The following ITGA8 variants were observed in gnomAD, a reference collection of about 807,000 sequenced individuals.
The protein encoded by ITGA8 is integrin alpha-8.
ITGA8 carries 91 observed loss-of-function variants against 142.3 expected under a neutral mutation model. That is an observed-to-expected ratio of 0.64 (90% CI 0.54 to 0.76). The LOEUF (loss-of-function observed/expected upper bound fraction) is 0.76, where lower values mean the gene tolerates loss of function less well. Among genes scored for constraint, ITGA8 ranks in the 30% least tolerant of loss-of-function variants. The probability of loss-of-function intolerance (pLI) is 0.00; values close to 1 mark genes in which losing one functional copy is unlikely to be tolerated. For synonymous variants in ITGA8, 505 were observed against 485.2 expected, an observed-to-expected ratio of 1.04 and a Z score of -0.54; for missense variants, 1,406 against 1,327.7, an observed-to-expected ratio of 1.06 and a Z score of -0.92.
intron 26 of ITGA8, 33 bp downstream of exon 26, chr10:15,558,041 T>C (rs1264003760): frequency 1.2e-6 from 2 of 1,612,182 alleles, no homozygotes; most frequent in Non-Finnish European, 1.7e-6. Flanking sequence ...GCCACTCATT[T>C]CCCTCAGTTC....
Position 15,672,664 on chromosome 10 carries a change from C to G in ITGA8, c.762G>C (p.Gln254His), listed in dbSNP as rs1834546936. The G allele has an allele frequency of 1.9e-6, 3 of 1,613,750 alleles. No individual in the cohort carries two copies. Among genetic ancestry groups the G allele is most frequent in the Non-Finnish European group, 2.5e-6 (3 of 1,179,868 alleles). Residue 254 changes from glutamine (Q) to histidine (H), a missense_variant, in exon 7 of 30, where the codon CAG (glutamine) becomes CAC (histidine). Gln to His is a conservative substitution (Grantham distance 24, BLOSUM62 0). Transcript: ENST00000378076. Reference protein sequence around the residue: ...DILRKLAGEKQTEVAPASYDD... With the variant: ...DILRKLAGEKHTEVAPASYDD... ...CATAGGAAGCTGGAGCCACTTCCGT[C>G]TGCTTTTCTCCTGCCAGTTTCCTGA... is the stretch of plus-strand genomic sequence containing the variant.
At position 15,514,011 on chromosome 10, in the gene ITGA8, G is replaced by A. The variant is rs1832919016; in HGVS notation, c.*3147C>T. On this transcript the variant is annotated 3_prime_UTR_variant, in exon 30 of 30. Coordinates refer to ENST00000378076, the MANE Select transcript of ITGA8 (RefSeq NM_003638.3). Reference sequence around the variant, plus strand: ...AAATAGGTACATGAAAATCTTCACAGATATCTACGCACGTATTTAAATAAA... The same window carrying A: ...AAATAGGTACATGAAAATCTTCACAAATATCTACGCACGTATTTAAATAAA... 6.6e-6 allele frequency: 1 copy of A among 152,130 alleles called. No individual in the cohort carries two copies. Among genetic ancestry groups the A allele is most frequent in the Non-Finnish European group, 1.5e-5 (1 of 68,024 alleles). 9.4% of individuals were successfully genotyped at this position (152,130 alleles called of 1,614,324 possible).
At chr10:15,655,642 A>T (rs956369978) in intron 10 of ITGA8, among the ~76,000 whole-genome samples, 5 of 152,170 alleles carry the variant, frequency 3.3e-5, no homozygotes, top group African/African-American at 1.2e-4. Context: ...GATGTTCAAC[A>T]ATCAGCCCAT....
chr10:15,605,675 C>G, intron 19 of ITGA8, 49 bp downstream of exon 19: 5 of 1,421,188 alleles, frequency 3.5e-6, no homozygotes, highest in Non-Finnish European at 5.0e-6. Context: ...TACATAAATA[C>G]CTGTAATTCC....
At chr10:15,581,740 A>C (rs1217875431) in intron 23 of ITGA8, among the ~76,000 whole-genome samples, 1 of 152,254 alleles carries the variant, frequency 6.6e-6, no homozygotes, top group African/African-American at 2.4e-5. Flanking sequence ...TGAATTTGTC[A>C]AAATCTCAGG....
chr10:15,561,235 G>GTA (rs796194795), intron 25 of ITGA8, among the ~76,000 whole-genome samples: 2,582 of 101,468 alleles, frequency 0.025, 36 homozygotes, highest in African/African-American at 0.04. Flanking sequence ...ATATATATAT[G>GTA]TATATATATA....
chr10:15,601,098 G>C (rs1029575801), intron 20 of ITGA8, among the ~76,000 whole-genome samples: 10 of 152,046 alleles, frequency 6.6e-5, no homozygotes, highest in Non-Finnish European at 1.0e-4. Flanking sequence ...AATTAGTCAG[G>C]CGTGGTGGTG....
chr10:15,663,662 A>AG (rs1834332542), intron 8 of ITGA8, among the ~76,000 whole-genome samples: 2 of 151,952 alleles, frequency 1.3e-5, no homozygotes, highest in African/African-American at 2.4e-5. Context: ...TTGACCTCAC[A>AG]GGGTCAAGTG....
chr10:15,701,950 G>A (rs1040653898), intron 2 of ITGA8, among the ~76,000 whole-genome samples: 17 of 152,080 alleles, frequency 1.1e-4, no homozygotes, highest in East Asian at 7.7e-4. Flanking sequence ...GGGAATACTC[G>A]TATGTATAAT....
intron 28 of ITGA8, among the ~76,000 whole-genome samples, chr10:15,522,935 C>A (rs1833097084): frequency 6.6e-6 from 1 of 152,002 alleles, no homozygotes; most frequent in African/African-American, 2.4e-5. Context: ...TCACCTGAAC[C>A]CGGGAGGGAG....
intron 2 of ITGA8, among the ~76,000 whole-genome samples, chr10:15,697,388 C>A (rs141627536): frequency 1.3e-5 from 2 of 152,164 alleles, no homozygotes; most frequent in Non-Finnish European, 2.9e-5. Context: ...AACATTACGG[C>A]ACGTTTTGAC....
chr10:15,531,071 T>A lies in ITGA8; in HGVS notation c.2961A>T (p.Lys987Asn). Reference sequence around the variant, plus strand: ...TCACTACTATGCTTCCTTCTGGGAGTTTTGCTGGCTGATCTGTATAAGGCA... The same window carrying A: ...TCACTACTATGCTTCCTTCTGGGAGATTTGCTGGCTGATCTGTATAAGGCA... Reference protein sequence around the residue: ...KKMPYTDQPAKLPEGSIVIKT... With the variant: ...KKMPYTDQPANLPEGSIVIKT... Residue 987 changes from lysine to asparagine, a missense_variant, in exon 28 of 30, where the codon AAA (lysine) becomes AAT (asparagine). Transcript: ENST00000378076. 1.9e-6 allele frequency: 3 copies of A among 1,568,770 alleles called. No homozygotes were observed. The highest frequency in any genetic ancestry group is 4.6e-5 in the East Asian group (2 of 43,642).
At chr10:15,639,384 C>T (rs35124284) in intron 13 of ITGA8, among the ~76,000 whole-genome samples, 26,062 of 152,124 alleles carry the variant, frequency 0.17, 2,652 homozygotes, top group East Asian at 0.31. Flanking sequence ...TGGGGTGCTG[C>T]GTAAAGGCAC....
chr10:15,644,387 C>G (rs923352338), intron 12 of ITGA8, among the ~76,000 whole-genome samples, 166 bp from the exon 13 acceptor site: 6 of 139,782 alleles, frequency 4.3e-5, no homozygotes, highest in Admixed American at 1.5e-4. Flanking sequence ...CCTGCCTCAA[C>G]TTCTCTAGGA....
At chr10:15,711,216 C>T (rs889009294) in intron 2 of ITGA8, among the ~76,000 whole-genome samples, 10 of 152,156 alleles carry the variant, frequency 6.6e-5, no homozygotes, top group Non-Finnish European at 1.3e-4. Context: ...CAAACACATT[C>T]GGAACATATG....
At chr10:15,571,934 G>A (rs977240383) in intron 25 of ITGA8, among the ~76,000 whole-genome samples, 8 of 152,144 alleles carry the variant, frequency 5.3e-5, no homozygotes, top group African/African-American at 1.9e-4. Context: ...GTTTGGATGT[G>A]CTGCTAATTG....
At chr10:15,521,366 C>T (rs1004759392) in intron 28 of ITGA8, among the ~76,000 whole-genome samples, 1 of 152,088 alleles carries the variant, frequency 6.6e-6, no homozygotes, top group Non-Finnish European at 1.5e-5. Context: ...TGATGGTGCC[C>T]TTCTCAGCTT....
chr10:15,534,081 A>G (rs1321149881), intron 27 of ITGA8, among the ~76,000 whole-genome samples: 1 of 151,254 alleles, frequency 6.6e-6, no homozygotes, highest in Non-Finnish European at 1.5e-5. Context: ...TAATTTTTGT[A>G]TTTTTTTTAG....
intron 11 of ITGA8, among the ~76,000 whole-genome samples, chr10:15,651,530 AGT>A (rs1834084976): frequency 1.4e-5 from 2 of 146,286 alleles, no homozygotes; most frequent in African/African-American, 5.0e-5. Context: ...ACTTATTGAC[AGT>A]TTTTTTTTTT....
Sources: allele counts gnomAD v4.1 joint callset (sites outside exome capture counted in the v4.1 genomes callset), GRCh38; gene constraint gnomAD v4.1.1; transcripts MANE v1.5; gene names NCBI Gene and HGNC (gene_info 2026-07-23, HGNC 2026-07-21).